Variants in CD7 observed in about 807,000 individuals in gnomAD.
The protein encoded by CD7 is CD7 molecule.
A neutral mutation model predicts 17.6 loss-of-function variants in CD7; 19 were observed. The observed-to-expected ratio is 1.08, with a 90% CI of 0.75 to 1.58. The LOEUF is 1.58. Among genes scored for constraint, CD7 ranks in the 40% most tolerant of loss-of-function variants. The probability of loss-of-function intolerance (pLI) is 0.00; values close to 1 mark genes in which losing one functional copy is unlikely to be tolerated. For synonymous variants in CD7, 160 were observed against 159.8 expected (o/e 1.00, Z -0.01); for missense variants, 291 against 327.1 (o/e 0.89, Z 0.85).
rs367694038 is a variant in CD7, at chr17:82,316,842, G to A, written c.222C>T (p.Asp74=). The A allele has an allele frequency of 2.3e-5, 37 of 1,613,782 alleles. No homozygotes were observed. The highest frequency in any genetic ancestry group is 2.9e-5 in the Non-Finnish European group (34 of 1,179,990). The part of the protein sequence containing the change: ...PQPQDIIYYE[D]GVVPTTDRRF... ...GTCTGTCCGTAGTGGGCACCACCCC[G>A]TCCTCGTAGTAAATGATGTCTTGGG... Residue 74 remains aspartate (D), a synonymous_variant, in exon 2 of 4, where the codon GAC becomes GAT. Transcript: ENST00000312648.
chr17:82,317,531 C>A lies in CD7; in HGVS notation c.-36G>T. 1 of 1,526,766 alleles carries A rather than the reference C, an allele frequency of 6.5e-7. No homozygotes were observed. Among genetic ancestry groups the A allele is most frequent in the Non-Finnish European group, 8.8e-7 (1 of 1,131,630 alleles). The allele number at this position is 1,526,766 out of a possible 1,614,324, so 94.6% of individuals were successfully genotyped here. ...CCCAGCTCTCCCAGCCGGGCGAGTG[C>A]AGCTGAGCCTCTCTGGGTCTACAGG... On this transcript the variant is annotated 5_prime_UTR_variant, in exon 1 of 4. Transcript: ENST00000312648.
At position 82,315,142 on chromosome 17, in the gene CD7, C is replaced by T. The variant is rs1472551511; in HGVS notation, c.*179G>A. 4 of 586,646 alleles carry T rather than the reference C, an allele frequency of 6.8e-6. No individual in the cohort carries two copies. The East Asian group carries it at 8.6e-5, about 13-fold the overall frequency. 36.3% of individuals were successfully genotyped at this position (586,646 alleles called of 1,614,324 possible). ...GGAGGCATCATTGTCCACTGAGAAGCACCGTGGGGCCTGGCCACTGCCTGT... is the reference window on the plus strand; with the variant it reads ...GGAGGCATCATTGTCCACTGAGAAGTACCGTGGGGCCTGGCCACTGCCTGT... On this transcript the variant is annotated 3_prime_UTR_variant, in exon 4 of 4. Transcript: ENST00000312648.
At position 82,316,979 on chromosome 17, in the gene CD7, C is replaced by T; in HGVS notation, c.85G>A (p.Val29Met). The change falls in exon 2 of 4, where the codon GTG becomes ATG. Residue 29 changes from valine (V) to methionine (M), a missense_variant and splice_region_variant. Physicochemically the swap from Val to Met is conservative, Grantham distance 21. Transcript: ENST00000312648. ...GTCGTGCAGTGGGGAGACTGCTGCA[C>T]CTCTGGGGAGGACCTGGGCTGTCAC... ...GLPGALAAQE[V>M]QQSPHCTTVP... The T allele has an allele frequency of 6.3e-7, 1 of 1,582,562 alleles. No homozygotes were observed. The highest frequency in any genetic ancestry group is 1.1e-5 in the South Asian group (1 of 88,740).
intron 1 of CD7, 64 bp from the exon 2 acceptor site, chr17:82,317,045 G>T: frequency 7.0e-7 from 1 of 1,423,820 alleles, no homozygotes; most frequent in South Asian, 1.4e-5. Flanking sequence ...CCTCCCTGCA[G>T]GGGACAGTGG....
At chr17:82,316,113 TG>T in intron 3 of CD7, 81 bp downstream of exon 3, 2 of 1,401,692 alleles carry the variant, frequency 1.4e-6, no homozygotes, top group Non-Finnish European at 2.0e-6. Flanking sequence ...GGTTTTCCTC[TG>T]GGGCTTTGGC....
chr17:82,315,908 A>C (rs1409713091), intron 3 of CD7: 1 of 603,454 alleles, frequency 1.7e-6, no homozygotes, highest in Non-Finnish European at 2.9e-6. Flanking sequence ...GCACACTCCA[A>C]CCTGCACGCA....
intron 1 of CD7, 50 bp downstream of exon 1, chr17:82,317,364 G>T: frequency 1.3e-6 from 2 of 1,500,492 alleles, no homozygotes; most frequent in Non-Finnish European, 1.8e-6. Context: ...AGCTCATGGG[G>T]CAGGGAGAGC....
In CD7 at chr17:82,316,076, G is replaced by A. The variant is rs2052010621; in HGVS notation, c.612+119C>T. The A allele has an allele frequency of 4.6e-6, 5 of 1,079,436 alleles. No individual in the cohort carries two copies. The East Asian group carries it at 7.7e-5, about 17-fold the overall frequency. The allele number at this position is 1,079,436 out of a possible 1,614,324, so 66.9% of individuals were successfully genotyped here. ...CCACTTCCACCCTGAGAGTTCCAGA[G>A]CCTGCAGAGGAGGCGGCGGGTACCA... On this transcript the variant is annotated intron_variant, in intron 3 of 3. Coordinates refer to ENST00000312648, the MANE Select transcript of CD7 (RefSeq NM_006137.7).
At position 82,316,333 on chromosome 17, in the gene CD7, G is replaced by T; in HGVS notation, c.474C>A (p.Gly158=). Residue 158 remains glycine, a synonymous_variant, in exon 3 of 4, where the codon GGC becomes GGA. Transcript: ENST00000312648. ...CTGTCTGCGGGTCAGGGAGGGCGGAGCCTGTCGGTGGGGCAGGGAGGGCAG... is the reference window on the plus strand; with the variant it reads ...CTGTCTGCGGGTCAGGGAGGGCGGATCCTGTCGGTGGGGCAGGGAGGGCAG... ...RASALPAPPT[G]SALPDPQTAS... The T allele has an allele frequency of 1.3e-6, 2 of 1,584,546 alleles. No homozygotes were observed. The highest frequency in any genetic ancestry group is 1.8e-5 in the Admixed American group (1 of 55,534).
chr17:82,316,091 G>C, intron 3 of CD7, 104 bp downstream of exon 3: 1 of 1,201,746 alleles, frequency 8.3e-7, no homozygotes, highest in Admixed American at 2.0e-5. Context: ...CAGAGGAGGC[G>C]GCGGGTACCA....
rs2051997133 is a variant in CD7, at chr17:82,315,251, G to C, written c.*70C>G. ...GACAGCAGGGTGAGGGGTGTGGCAGGGTGGGGGGCATGGTGGGGCAGGGAA... is the reference window on the plus strand; with the variant it reads ...GACAGCAGGGTGAGGGGTGTGGCAGCGTGGGGGGCATGGTGGGGCAGGGAA... On this transcript the variant is annotated 3_prime_UTR_variant, in exon 4 of 4. Coordinates refer to ENST00000312648, the MANE Select transcript of CD7 (RefSeq NM_006137.7). 2.0e-6 allele frequency: 2 copies of C among 983,844 alleles called. No individual in the cohort carries two copies. Among genetic ancestry groups the C allele is most frequent in the African/African-American group, 1.6e-5 (1 of 62,278 alleles). The allele number at this position is 983,844 out of a possible 1,614,324, so 60.9% of individuals were successfully genotyped here.
intron 3 of CD7, chr17:82,315,654 AC>A (rs918440472): frequency 1.8e-5 from 10 of 550,506 alleles, no homozygotes; most frequent in Non-Finnish European, 3.3e-5. Flanking sequence ...AGTGGCTTGG[AC>A]CCCCCCACCA....
intron 3 of CD7, chr17:82,315,655 C>T: frequency 3.6e-6 from 2 of 556,136 alleles, no homozygotes; most frequent in South Asian, 2.0e-5. Flanking sequence ...GTGGCTTGGA[C>T]CCCCCCACCA....
chr17:82,316,905 G>C lies in CD7; in HGVS notation c.159C>G (p.Gly53=). The C allele has an allele frequency of 6.2e-7, 1 of 1,612,434 alleles. No homozygotes were observed. Among genetic ancestry groups the C allele is most frequent in the Non-Finnish European group, 8.5e-7 (1 of 1,179,898 alleles). The part of the protein sequence containing the change: ...SVNITCSTSG[G]LRGIYLRQLG... ...GCTGCCTCAGGTAGATCCCACGCAG[G>C]CCCCCGCTGGTGGAGCAGGTGATGT... Residue 53 remains glycine (G), a synonymous_variant, in exon 2 of 4, where the codon GGC becomes GGG. Transcript: ENST00000312648.
rs762941902 is a variant in CD7, at chr17:82,316,816, C to T, written c.248G>A (p.Arg83Gln). Residue 83 changes from arginine (R) to glutamine (Q), a missense_variant, in exon 2 of 4, where the codon CGG becomes CAG. Transcript: ENST00000312648. ...EDGVVPTTDRRFRGRIDFSGS... is the reference protein window; with the variant it reads ...EDGVVPTTDRQFRGRIDFSGS... ...TGAGAAGTCGATGCGGCCCCGGAAC[C>T]GTCTGTCCGTAGTGGGCACCACCCC... The T allele has an allele frequency of 8.7e-6, 14 of 1,613,986 alleles. No individual in the cohort carries two copies. The highest frequency in any genetic ancestry group is 1.6e-4 in the Middle Eastern group (1 of 6,062).
rs772804521 is a variant in CD7 at position 82,315,348 on chromosome 17, C to T, written c.696G>A (p.Thr232=). ...YEDMSHSRCN[T]LSSPNQYQ ...ACTGGTACTGGTTGGGGGAGGACAGCGTGTTGCAGCGGCTGTGCGACATGT... is the reference window on the plus strand; with the variant it reads ...ACTGGTACTGGTTGGGGGAGGACAGTGTGTTGCAGCGGCTGTGCGACATGT... Residue 232 remains threonine, a synonymous_variant, in exon 4 of 4, where the codon ACG becomes ACA. Coordinates refer to ENST00000312648, the MANE Select transcript of CD7 (RefSeq NM_006137.7). 6 of 1,613,424 alleles carry T rather than the reference C, an allele frequency of 3.7e-6. No homozygotes were observed. The highest frequency in any genetic ancestry group is 1.1e-5 in the South Asian group (1 of 91,058).
At chr17:82,316,549 G>T in intron 2 of CD7, 118 bp downstream of exon 2, 1 of 1,314,042 alleles carries the variant, frequency 7.6e-7, no homozygotes, top group Non-Finnish European at 1.1e-6. Flanking sequence ...CAGTGGGCTG[G>T]GAGCTGGAAC....
At position 82,317,583 on chromosome 17, in the gene CD7, A is replaced by AC. The variant is rs2052030003; in HGVS notation, c.-89dup. ...CCCCACAGAGAGCAGCACACAGGAG[A>AC]CCGCAGGCGCTCAGAGCTCAGAGAG... On this transcript the variant is annotated 5_prime_UTR_variant, in exon 1 of 4. Transcript: ENST00000312648. 2.4e-6 allele frequency: 3 copies of AC among 1,244,800 alleles called. No individual in the cohort carries two copies. Among genetic ancestry groups the AC allele is most frequent in the Non-Finnish European group, 3.3e-6 (3 of 914,242 alleles). The allele number at this position is 1,244,800 out of a possible 1,614,324, so 77.1% of individuals were successfully genotyped here. A position where few individuals can be genotyped will look rare whatever the true frequency, so the allele number is the denominator to read the frequency against.
rs755695746 is a variant in CD7, at chr17:82,316,292, T to C, written c.515A>G (p.Asp172Gly). The change falls in exon 3 of 4, where the codon GAC (aspartate) becomes GGC (glycine). Residue 172 changes from aspartate (D) to glycine (G), a missense_variant. Asp to Gly is a moderately conservative substitution (Grantham distance 94). Transcript: ENST00000312648. ...PDPQTASALP[D>G]PPAASALPAA... The stretch of plus-strand genomic sequence containing the variant: ...AGGGAGGGCAGAGGCTGCTGGCGGG[T>C]CAGGGAGGGCAGAGGCTGTCTGCGG... The C allele has an allele frequency of 2.8e-6, 4 of 1,453,992 alleles. No individual in the cohort carries two copies. The highest frequency in any genetic ancestry group is 3.8e-6 in the Non-Finnish European group (4 of 1,059,656). 90.1% of individuals were successfully genotyped at this position (1,453,992 alleles called of 1,614,324 possible).
Sources: gnomAD v4.1 joint callset for allele counts on GRCh38, gnomAD v4.1.1 for gene constraint, MANE v1.5 for transcripts, NCBI Gene and HGNC (gene_info 2026-07-23, HGNC 2026-07-21) for gene names.